DHDH: variants seen among roughly 807,000 people sequenced by gnomAD.
DHDH encodes trans-1,2-dihydrobenzene-1,2-diol dehydrogenase.
In DHDH, 29 loss-of-function variants were observed where a neutral mutation model predicts 33.2. The observed-to-expected ratio is 0.87, with a 90% CI of 0.65 to 1.19. The LOEUF is 1.19. Ranked by LOEUF, DHDH falls within the 50% of genes most tolerant of loss-of-function variation. The pLI is 0.00. For synonymous variants in DHDH, 201 were observed against 187.9 expected (o/e 1.07, Z -0.57); for missense variants, 431 against 455.0 (o/e 0.95, Z 0.48).
At chr19:48,942,238 C>T (rs931201004) in intron 4 of DHDH, among the ~76,000 whole-genome samples, 19 of 151,810 alleles carry the variant, frequency 1.3e-4, no homozygotes, top group African/African-American at 4.6e-4. Context: ...TCTCATGACC[C>T]CACGATCTGC....
chr19:48,933,736 G>T lies in DHDH; in HGVS notation c.15G>T (p.Trp5Cys). 6.2e-7 allele frequency: 1 copy of T among 1,613,424 alleles called. No individual in the cohort carries two copies. The highest frequency in any genetic ancestry group is 1.7e-4 in the Middle Eastern group (1 of 6,060). Residue 5 changes from tryptophan (W) to cysteine (C), a missense_variant, in exon 1 of 7, where the codon TGG becomes TGT. Physicochemically the swap from Trp to Cys is radical, Grantham distance 215. Transcript: ENST00000221403. ...GCATCGCAACCATGGCGCTGCGCTG[G>T]GGCATCGTGTCTGTCGGCCTCATCT... MALR[W>C]GIVSVGLISS...
chr19:48,935,049 A>G lies in DHDH; in HGVS notation c.140A>G (p.Gln47Arg), dbSNP rs1247497845. 1 of 1,593,072 alleles carries G rather than the reference A, an allele frequency of 6.3e-7. No individual in the cohort carries two copies. Among genetic ancestry groups the G allele is most frequent in the South Asian group, 1.2e-5 (1 of 86,510 alleles). ...RDLSRAKEFAQKHDIPKAYGS... is the reference protein window; with the variant it reads ...RDLSRAKEFARKHDIPKAYGS... ...CTGAGCCGTGCGAAGGAGTTTGCACAGAAACACGACATCCCCAAGGCCTAC... is the reference window on the plus strand; with the variant it reads ...CTGAGCCGTGCGAAGGAGTTTGCACGGAAACACGACATCCCCAAGGCCTAC... Residue 47 changes from glutamine to arginine, a missense_variant, in exon 2 of 7, where the codon CAG (glutamine) becomes CGG (arginine). Transcript: ENST00000221403.
At chr19:48,936,598 A>G (rs1235863238) in intron 3 of DHDH, among the ~76,000 whole-genome samples, 2 of 148,804 alleles carry the variant, frequency 1.3e-5, no homozygotes, top group Admixed American at 6.9e-5. Flanking sequence ...TGGGAGGCTG[A>G]GGCAGGAGAA....
chr19:48,933,709 C>G lies in DHDH; in HGVS notation c.-13C>G. ...GGAGGGACCGAAGGTGCCGAGGGCT[C>G]CGCATCGCAACCATGGCGCTGCGCT... On this transcript the variant is annotated 5_prime_UTR_variant, in exon 1 of 7. Transcript: ENST00000221403. 11 of 1,612,868 alleles carry G rather than the reference C, an allele frequency of 6.8e-6. No homozygotes were observed. The highest frequency in any genetic ancestry group is 9.3e-6 in the Non-Finnish European group (11 of 1,179,726).
At chr19:48,942,610 AG>A (rs1316876370) in intron 5 of DHDH, 46 bp downstream of exon 5, 14 of 1,589,708 alleles carry the variant, frequency 8.8e-6, no homozygotes, top group Non-Finnish European at 9.4e-6. Context: ...CCCCTAAAAT[AG>A]GAGGGGGACA....
chr19:48,935,994 G>A, intron 2 of DHDH, 38 bp from the exon 3 acceptor site: 1 of 1,562,252 alleles, frequency 6.4e-7, no homozygotes, highest in Non-Finnish European at 8.7e-7. Context: ...TGTCTGGGTG[G>A]GCGGGGCTGC....
At chr19:48,944,790 G>T (rs1280195182) in intron 6 of DHDH, 34 bp from the exon 7 acceptor site, 9 of 1,585,716 alleles carry the variant, frequency 5.7e-6, no homozygotes, top group African/African-American at 1.3e-5. Context: ...GGGCGCGTGG[G>T]TAGGAGGGGT....
In DHDH at chr19:48,944,939, C is replaced by T. The variant is rs769951098; in HGVS notation, c.*6C>T. ...TCCCCCAAGACAAACGCTGATGTAT[C>T]CCCGAATAAATAAAGACATCTTACA... On this transcript the variant is annotated 3_prime_UTR_variant, in exon 7 of 7. Transcript: ENST00000221403. 6.2e-7 allele frequency: 1 copy of T among 1,611,504 alleles called. No homozygotes were observed. The highest frequency in any genetic ancestry group is 1.7e-5 in the Admixed American group (1 of 59,958).
At chr19:48,944,193 C>G (rs1023217696) in intron 5 of DHDH, among the ~76,000 whole-genome samples, 164 bp from the exon 6 acceptor site, 2 of 152,054 alleles carry the variant, frequency 1.3e-5, no homozygotes, top group African/African-American at 4.8e-5. Flanking sequence ...CTTCTAGCAA[C>G]TAGAAATGAA....
Position 48,936,167 on chromosome 19 carries a change from C to A in DHDH, c.338C>A (p.Ala113Asp). The part of the protein sequence containing the change: ...AAEVREMVAE[A>D]RSRALFLMEA... ...GAAGTTCGCGAGATGGTCGCGGAGGCCCGATCCCGAGCCCTCTTCCTTATG... is the reference window on the plus strand; with the variant it reads ...GAAGTTCGCGAGATGGTCGCGGAGGACCGATCCCGAGCCCTCTTCCTTATG... The change falls in exon 3 of 7, where the codon GCC (alanine) becomes GAC (aspartate). Residue 113 changes from alanine (A) to aspartate (D), a missense_variant. Coordinates refer to ENST00000221403, the MANE Select transcript of DHDH (RefSeq NM_014475.4). 2 of 1,601,924 alleles carry A rather than the reference C, an allele frequency of 1.2e-6. No homozygotes were observed. Among genetic ancestry groups the A allele is most frequent in the South Asian group, 2.2e-5 (2 of 89,788 alleles).
chr19:48,941,824 C>T (rs1267367064), intron 4 of DHDH, among the ~76,000 whole-genome samples: 7 of 151,446 alleles, frequency 4.6e-5, no homozygotes, highest in Non-Finnish European at 1.0e-4. Context: ...AGGCACAAGC[C>T]ACCACACCCA....
upstream of DHDH, chr19:48,933,659 G>T (rs2122237255): frequency 1.3e-6 from 2 of 1,511,096 alleles, no homozygotes; most frequent in East Asian, 4.5e-5. Flanking sequence ...GGGTGGGCGG[G>T]GCGTCAGGTA....
chr19:48,943,429 A>G (rs965664844), intron 5 of DHDH, among the ~76,000 whole-genome samples: 8 of 151,268 alleles, frequency 5.3e-5, no homozygotes, highest in Non-Finnish European at 7.4e-5. Flanking sequence ...GGTGACTTAC[A>G]CCTGTAATCC....
At position 48,944,969 on chromosome 19, in the gene DHDH, C is replaced by T. The variant is rs760289850; in HGVS notation, c.*36C>T. The T allele has an allele frequency of 5.7e-6, 9 of 1,590,352 alleles. No homozygotes were observed. Among genetic ancestry groups the T allele is most frequent in the African/African-American group, 1.3e-5 (1 of 74,540 alleles). On this transcript the variant is annotated 3_prime_UTR_variant, in exon 7 of 7. Transcript: ENST00000221403. Reference sequence around the variant, plus strand: ...AATAAATAAAGACATCTTACATCTTCGTGGTAGTGGTTTGGCAGAAGCTGG... The same window carrying T: ...AATAAATAAAGACATCTTACATCTTTGTGGTAGTGGTTTGGCAGAAGCTGG...
Position 48,936,055 on chromosome 19 carries a change from C to T in DHDH, c.226C>T (p.His76Tyr). ...AGAGGTGGCCTACATTGGCACCCAG[C>T]ACCCCCAGCACAAGGCGGCGGTGAT... is the stretch of plus-strand genomic sequence containing the variant. Reference protein sequence around the residue: ...SVEVAYIGTQHPQHKAAVMLC... With the variant: ...SVEVAYIGTQYPQHKAAVMLC... Residue 76 changes from histidine to tyrosine, a missense_variant, in exon 3 of 7, where the codon CAC becomes TAC. Transcript: ENST00000221403. The T allele has an allele frequency of 1.2e-6, 2 of 1,606,326 alleles. No homozygotes were observed. Among genetic ancestry groups the T allele is most frequent in the Non-Finnish European group, 1.7e-6 (2 of 1,177,228 alleles).
Position 48,939,666 on chromosome 19 carries a change from A to C in DHDH, c.584A>C (p.Glu195Ala). Residue 195 changes from glutamate (E) to alanine (A), a missense_variant, in exon 4 of 7, where the codon GAG (glutamate) becomes GCG (alanine). By Grantham distance (107) the Glu-to-Ala change is moderately radical (BLOSUM62 -1). Coordinates refer to ENST00000221403, the MANE Select transcript of DHDH (RefSeq NM_014475.4). Reference sequence around the variant, plus strand: ...ATGGTCTTTGGAGGGCAGAAGCCAGAGAAGATTTCTGTCGTGGGAAGGCGT... The same window carrying C: ...ATGGTCTTTGGAGGGCAGAAGCCAGCGAAGATTTCTGTCGTGGGAAGGCGT... The part of the protein sequence containing the change: ...TSMVFGGQKP[E>A]KISVVGRRHE... 6.2e-7 allele frequency: 1 copy of C among 1,607,302 alleles called. No individual in the cohort carries two copies.
chr19:48,935,854 AAG>A (rs964835290), intron 2 of DHDH, among the ~76,000 whole-genome samples, 176 bp from the exon 3 acceptor site: 45 of 152,288 alleles, frequency 3.0e-4, no homozygotes, highest in African/African-American at 1.1e-3. Context: ...AATTTTAAAA[AAG>A]AGAGCGAGAA....
At chr19:48,940,902 G>A (rs918002391) in intron 4 of DHDH, among the ~76,000 whole-genome samples, 1 of 151,412 alleles carries the variant, frequency 6.6e-6, no homozygotes, top group Admixed American at 6.6e-5. Flanking sequence ...GGCAGGTCTC[G>A]AACTCCTGGG....
intron 3 of DHDH, among the ~76,000 whole-genome samples, chr19:48,936,717 A>AAC (rs200015998): frequency 9.9e-4 from 149 of 151,132 alleles, no homozygotes; most frequent in Middle Eastern, 3.4e-3. Context: ...AAAACAAACA[A>AAC]AAAAAAAAAC....
Sources: gnomAD v4.1 joint callset for allele counts (sites outside exome capture counted in the v4.1 genomes callset) on GRCh38, gnomAD v4.1.1 for gene constraint, MANE v1.5 for transcripts, NCBI Gene and HGNC (gene_info 2026-07-23, HGNC 2026-07-21) for gene names.